The following RSRC1 variants were observed in gnomAD, a reference collection of about 807,000 sequenced individuals.
The protein encoded by RSRC1 is arginine and serine rich coiled-coil 1, also known as serine/Arginine-related protein 53.
A neutral mutation model predicts 49.1 loss-of-function variants in RSRC1; 39 were observed. The ratio of observed to expected loss-of-function variants is 0.79; its 90% confidence interval spans 0.61 to 1.04. RSRC1 has a LOEUF of 1.04. Ranked by LOEUF, RSRC1 falls within the 50% of genes least tolerant of loss-of-function variation. RSRC1 has a pLI of 0.00. For synonymous variants in RSRC1, 143 were observed against 130.8 expected (o/e 1.09, Z -0.63); for missense variants, 388 against 402.4 (o/e 0.96, Z 0.31).
At chr3:158,262,794 A>G (rs1559967124) in intron 4 of RSRC1, among the ~76,000 whole-genome samples, 1 of 152,028 alleles carries the variant, frequency 6.6e-6, no homozygotes, top group Non-Finnish European at 1.5e-5. Flanking sequence ...AAATTTCCTG[A>G]AGTATTTCTT....
chr3:158,309,277 T>C (rs1228281294), intron 5 of RSRC1, among the ~76,000 whole-genome samples: 1 of 151,854 alleles, frequency 6.6e-6, no homozygotes, highest in Non-Finnish European at 1.5e-5. Context: ...GATTTCATAT[T>C]CTGTTTTGTG....
At chr3:158,167,625 G>T (rs1266438012) in intron 3 of RSRC1, among the ~76,000 whole-genome samples, 1 of 152,200 alleles carries the variant, frequency 6.6e-6, no homozygotes, top group Non-Finnish European at 1.5e-5. Flanking sequence ...AGTTTGTGCA[G>T]AAAGTATGAA....
At chr3:158,260,020 G>T (rs1345244447) in intron 4 of RSRC1, among the ~76,000 whole-genome samples, 19 of 152,122 alleles carry the variant, frequency 1.2e-4, no homozygotes. Flanking sequence ...TGCCATCCAG[G>T]ATTCAAGGCC....
intron 7 of RSRC1, among the ~76,000 whole-genome samples, chr3:158,518,114 G>A (rs1400657757): frequency 3.0e-4 from 23 of 77,570 alleles, no homozygotes; most frequent in African/African-American, 1.7e-3. Context: ...GTGTGTGTGT[G>A]TGTGTGTGTG....
At position 158,228,894 on chromosome 3, in the gene RSRC1, A is replaced by G. The variant is rs200841656; in HGVS notation, c.494+25649A>G. On this transcript the variant is annotated intron_variant, in intron 4 of 9. Coordinates refer to ENST00000611884, the MANE Select transcript of RSRC1 (RefSeq NM_001271838.2). ...ATATAAACACATACGTGTAATGTGT[A>G]TATAAACACACATACGTGTATATGT... Among the ~76,000 whole-genome samples, 31 of 111,802 alleles carry G rather than the reference A, an allele frequency of 2.8e-4. 6 individuals are homozygous for G. The highest frequency in any genetic ancestry group is 1.2e-3 in the South Asian group (4 of 3,224). 73.3% of individuals were successfully genotyped at this position (111,802 alleles called of 152,430 possible).
intron 4 of RSRC1, among the ~76,000 whole-genome samples, chr3:158,228,204 C>G (rs192766925): frequency 6.6e-6 from 1 of 152,058 alleles, no homozygotes; most frequent in African/African-American, 2.4e-5. Context: ...CCATAGGGAA[C>G]TTTAATGATG....
chr3:158,487,016 T>G (rs1738840418), intron 7 of RSRC1, among the ~76,000 whole-genome samples: 1 of 152,172 alleles, frequency 6.6e-6, no homozygotes, highest in Admixed American at 6.5e-5. Flanking sequence ...ACTTGAGAGT[T>G]GTTTTTAAAA....
At chr3:158,246,357 C>T (rs1723892092) in intron 4 of RSRC1, among the ~76,000 whole-genome samples, 1 of 151,388 alleles carries the variant, frequency 6.6e-6, no homozygotes, top group Admixed American at 6.6e-5. Context: ...TGTAACAAAC[C>T]TGCACGTTGT....
intron 4 of RSRC1, among the ~76,000 whole-genome samples, chr3:158,257,085 TG>T (rs1354164539): frequency 6.6e-6 from 1 of 152,212 alleles, no homozygotes; most frequent in African/African-American, 2.4e-5. Flanking sequence ...GGTTCTGCTC[TG>T]ATCTTAGTTA....
At chr3:158,116,963 G>A (rs1303348891) in intron 1 of RSRC1, among the ~76,000 whole-genome samples, 1 of 152,046 alleles carries the variant, frequency 6.6e-6, no homozygotes, top group Non-Finnish European at 1.5e-5. Flanking sequence ...GGAGCACACT[G>A]TCGAGTAACT....
At chr3:158,514,192 C>T (rs941422541) in intron 7 of RSRC1, among the ~76,000 whole-genome samples, 1 of 152,100 alleles carries the variant, frequency 6.6e-6, no homozygotes, top group African/African-American at 2.4e-5. Flanking sequence ...TTTTCTTGTT[C>T]TTTTAATTGT....
chr3:158,354,207 T>C (rs1337545264), intron 5 of RSRC1, among the ~76,000 whole-genome samples: 2 of 152,088 alleles, frequency 1.3e-5, no homozygotes, highest in African/African-American at 4.8e-5. Flanking sequence ...GCCAGGATGG[T>C]CTCGATCTCT....
intron 6 of RSRC1, among the ~76,000 whole-genome samples, chr3:158,381,036 T>C (rs1014933778): frequency 6.6e-6 from 1 of 152,156 alleles, no homozygotes; most frequent in African/African-American, 2.4e-5. Context: ...AGAGGTATTG[T>C]GAAAATTAAG....
At chr3:158,429,025 C>T (rs1735621628) in intron 6 of RSRC1, among the ~76,000 whole-genome samples, 2 of 151,874 alleles carry the variant, frequency 1.3e-5, no homozygotes, top group Non-Finnish European at 2.9e-5. Flanking sequence ...AAATGGCAGC[C>T]TCCTGATTTC....
At chr3:158,278,379 A>G (rs1725936455) in intron 4 of RSRC1, among the ~76,000 whole-genome samples, 1 of 152,198 alleles carries the variant, frequency 6.6e-6, no homozygotes, top group Non-Finnish European at 1.5e-5. Flanking sequence ...AACTACCATG[A>G]TATATAACAC....
In RSRC1 at chr3:158,188,042, T is replaced by C. The variant is rs116493216; in HGVS notation, c.321-15030T>C. 3.8e-3 allele frequency among the ~76,000 whole-genome samples: 585 copies of C among 152,062 alleles called. 5 individuals carry two copies. Among genetic ancestry groups the C allele is most frequent in the African/African-American group, 0.014 (572 of 41,534 alleles). ...ATAACCTCATCACGTAGCTATACTT[T>C]ACCAATATCAAGGCTTATTTTTAGG... On this transcript the variant is annotated intron_variant, in intron 3 of 9. Transcript: ENST00000611884.
At chr3:158,118,464 C>G (rs10451872) in intron 1 of RSRC1, among the ~76,000 whole-genome samples, 2 of 44,916 alleles carry the variant, frequency 4.5e-5, no homozygotes, top group Non-Finnish European at 8.5e-5. Flanking sequence ...TGTGTGTGTG[C>G]GCGTGCGCGT....
intron 5 of RSRC1, chr3:158,303,283 G>A (rs1303350402): frequency 6.6e-6 from 1 of 152,190 alleles, no homozygotes; most frequent in Non-Finnish European, 1.5e-5. Flanking sequence ...AAATAGTTTT[G>A]TGGGTTGTTT....
intron 5 of RSRC1, among the ~76,000 whole-genome samples, chr3:158,341,494 A>T (rs1323272647): frequency 6.6e-6 from 1 of 152,096 alleles, no homozygotes; most frequent in Non-Finnish European, 1.5e-5. Context: ...AGGTGTTATT[A>T]AGCCTGCAGG....
Sources: gnomAD v4.1 joint callset for allele counts (sites outside exome capture counted in the v4.1 genomes callset) on GRCh38, gnomAD v4.1.1 for gene constraint, MANE v1.5 for transcripts, NCBI Gene and HGNC (gene_info 2026-07-23, HGNC 2026-07-21) for gene names.